Variants in TTC19 observed in about 807,000 individuals in gnomAD.
The protein encoded by TTC19 is tetratricopeptide repeat domain 19, also known as tetratricopeptide repeat protein 19, mitochondrial.
Under a neutral mutation model 49.5 loss-of-function variants are expected in TTC19, and 38 were observed. That is an observed-to-expected ratio of 0.77 (90% CI 0.59 to 1.01). TTC19 has a LOEUF of 1.01. Among genes scored for constraint, TTC19 ranks in the 50% least tolerant of loss-of-function variants. The pLI is 0.00. For synonymous variants in TTC19, 204 were observed against 185.2 expected (o/e 1.10, Z -0.83); for missense variants, 475 against 477.7 (o/e 0.99, Z 0.05).
downstream of TTC19, chr17:16,030,930 G>A (rs578117979): frequency 5.1e-6 from 1 of 195,070 alleles, no homozygotes; most frequent in Admixed American, 6.1e-5. Flanking sequence ...TTATCATCCT[G>A]AGAGATCTGT....
At chr17:16,001,857 C>T in intron 2 of TTC19, 58 bp from the exon 3 acceptor site, 1 of 1,180,306 alleles carries the variant, frequency 8.5e-7, no homozygotes, top group Non-Finnish European at 1.3e-6. Context: ...ACTTCTGTCT[C>T]TTAGCATATG....
rs1970754752 is a variant in TTC19, at chr17:16,002,086, T to G, written c.423+61T>G. ...AAGGTTGGATGGGAGGGAAGGGTAG[T>G]TAGTTCTTCTGATTTATATTCCTGA... On this transcript the variant is annotated intron_variant, in intron 3 of 9. Coordinates refer to ENST00000261647, the MANE Select transcript of TTC19 (RefSeq NM_017775.4). 4.6e-6 allele frequency: 5 copies of G among 1,086,258 alleles called. No homozygotes were observed. In the East Asian group the frequency reaches 9.4e-5, roughly 20 times the overall value. 67.3% of individuals were successfully genotyped at this position (1,086,258 alleles called of 1,614,324 possible). A position where few individuals can be genotyped will look rare whatever the true frequency, so the allele number is the denominator to read the frequency against.
chr17:16,027,996 T>C lies in TTC19; in HGVS notation c.*474T>C, dbSNP rs894650101. On this transcript the variant is annotated 3_prime_UTR_variant, in exon 10 of 10. Coordinates refer to ENST00000261647, the MANE Select transcript of TTC19 (RefSeq NM_017775.4). Reference sequence around the variant, plus strand: ...GGATTATGGTGAATTGTTGTTCTTATAGTCTGTTTCATGAAGCACAAGTGG... The same window carrying C: ...GGATTATGGTGAATTGTTGTTCTTACAGTCTGTTTCATGAAGCACAAGTGG... 3 of 454,094 alleles carry C rather than the reference T, an allele frequency of 6.6e-6. No homozygotes were observed. Among genetic ancestry groups the C allele is most frequent in the Admixed American group, 2.3e-5 (1 of 42,556 alleles). 28.1% of individuals were successfully genotyped at this position (454,094 alleles called of 1,614,324 possible).
At chr17:16,008,918 G>A (rs1209400976) in intron 7 of TTC19, among the ~76,000 whole-genome samples, 1 of 152,132 alleles carries the variant, frequency 6.6e-6, no homozygotes, top group Non-Finnish European at 1.5e-5. Context: ...AAGTAGAGGT[G>A]TGTGTGTTGT....
intron 2 of TTC19, among the ~76,000 whole-genome samples, chr17:16,001,598 C>G (rs1410907458): frequency 6.6e-6 from 1 of 152,186 alleles, no homozygotes; most frequent in African/African-American, 2.4e-5. Context: ...TATATGGTCA[C>G]CTCCAGCCTG....
At chr17:16,012,978 G>T (rs1188845224) in intron 7 of TTC19, among the ~76,000 whole-genome samples, 1 of 152,196 alleles carries the variant, frequency 6.6e-6, no homozygotes, top group Non-Finnish European at 1.5e-5. Flanking sequence ...CAAGGTGGGA[G>T]GATCGCTTGA....
intron 2 of TTC19, chr17:16,039,263 A>G (rs1597641193): frequency 3.2e-6 from 2 of 629,106 alleles, no homozygotes; most frequent in Non-Finnish European, 5.4e-6. Context: ...TTCATATTAT[A>G]ATGTCTGGGT....
At chr17:16,021,326 TG>T (rs1180460966) in intron 7 of TTC19, among the ~76,000 whole-genome samples, 2 of 152,346 alleles carry the variant, frequency 1.3e-5, no homozygotes, top group East Asian at 3.9e-4. Flanking sequence ...AGGCGGAGGT[TG>T]CAGTGAGCTG....
At chr17:16,026,793 G>A in intron 9 of TTC19, 91 bp downstream of exon 9, 2 of 1,331,914 alleles carry the variant, frequency 1.5e-6, no homozygotes, top group Non-Finnish European at 2.2e-6. Flanking sequence ...GGGAGGGCAA[G>A]GGCCAACGAA....
intron 8 of TTC19, among the ~76,000 whole-genome samples, chr17:16,025,501 T>G (rs1971524012): frequency 6.6e-6 from 1 of 152,210 alleles, no homozygotes; most frequent in African/African-American, 2.4e-5. Flanking sequence ...GATACCCCTA[T>G]TAGAAGCTTA....
chr17:16,039,964 G>A (rs866408696), intron 2 of TTC19: 14 of 388,880 alleles, frequency 3.6e-5, no homozygotes, highest in African/African-American at 2.9e-4. Flanking sequence ...CTAATTTTTT[G>A]TATTTTTAGG....
chr17:16,011,700 G>GT (rs1284731886), intron 7 of TTC19, among the ~76,000 whole-genome samples: 3 of 152,204 alleles, frequency 2.0e-5, no homozygotes, highest in African/African-American at 7.2e-5. Context: ...AAAGGACTGT[G>GT]TTAATTTACA....
In TTC19 at chr17:16,028,818, CAAAAAAAAAA is replaced by C. The variant is rs59177775; in HGVS notation, c.*1315_*1324del. 674 of 98,918 alleles carry C rather than the reference CAAAAAAAAAA, an allele frequency of 6.8e-3. 9 individuals are homozygous for C. Among genetic ancestry groups the C allele is most frequent in the African/African-American group, 0.036 (445 of 12,452 alleles). 6.1% of individuals were successfully genotyped at this position (98,918 alleles called of 1,614,324 possible). A position where few individuals can be genotyped will look rare whatever the true frequency, so the allele number is the denominator to read the frequency against. On this transcript the variant is annotated 3_prime_UTR_variant, in exon 10 of 10. Coordinates refer to ENST00000261647, the MANE Select transcript of TTC19 (RefSeq NM_017775.4). Reference sequence around the variant, plus strand: ...GTATCCCAGTAATCTTTGCATTTCTCAAAAAAAAAAAAAAAAAAAAAAAAAAAACTTTCTG... The same window carrying C: ...GTATCCCAGTAATCTTTGCATTTCTCAAAAAAAAAAAAAAAAAACTTTCTG...
chr17:16,030,104 T>C (rs1971797917), downstream of TTC19: 1 of 181,124 alleles, frequency 5.5e-6, no homozygotes, highest in East Asian at 9.0e-5. Context: ...TTGACACATA[T>C]TTTGTATATG....
At chr17:16,024,887 G>A in intron 7 of TTC19, 130 bp from the exon 8 acceptor site, 1 of 838,138 alleles carries the variant, frequency 1.2e-6, no homozygotes, top group Non-Finnish European at 2.1e-6. Context: ...TCTGGAATAG[G>A]TCATTTAACT....
Position 16,027,648 on chromosome 17 carries a change from C to T in TTC19, c.*126C>T. On this transcript the variant is annotated 3_prime_UTR_variant, in exon 10 of 10. Coordinates refer to ENST00000261647, the MANE Select transcript of TTC19 (RefSeq NM_017775.4). Reference sequence around the variant, plus strand: ...TGATATTCAGGTTTCCTCAATTTAGCCTTAGTGAAGGAGGGGTTGTACACA... The same window carrying T: ...TGATATTCAGGTTTCCTCAATTTAGTCTTAGTGAAGGAGGGGTTGTACACA... The T allele has an allele frequency of 8.5e-7, 1 of 1,177,442 alleles. No homozygotes were observed. Among genetic ancestry groups the T allele is most frequent in the Non-Finnish European group, 1.2e-6 (1 of 810,726 alleles). 72.9% of individuals were successfully genotyped at this position (1,177,442 alleles called of 1,614,324 possible).
intron 7 of TTC19, among the ~76,000 whole-genome samples, chr17:16,013,998 A>AT (rs1971146548): frequency 6.6e-6 from 1 of 152,180 alleles, no homozygotes; most frequent in Admixed American, 6.5e-5. Context: ...TGACAGTGTG[A>AT]TTCACTGAAA....
intron 2 of TTC19, among the ~76,000 whole-genome samples, chr17:16,037,443 T>TTTTTTTAAAATACC (rs2056642227): frequency 6.6e-6 from 1 of 152,046 alleles, no homozygotes; most frequent in South Asian, 2.1e-4. Context: ...CGAGGTATGC[T>TTTTTTTAAAATACC]TGCATTTAAA....
intron 7 of TTC19, among the ~76,000 whole-genome samples, chr17:16,013,229 A>G (rs1236810668): frequency 6.6e-6 from 1 of 152,218 alleles, no homozygotes. Context: ...CAAATGAATC[A>G]TAATATGTAT....
Sources: gnomAD v4.1 joint callset for allele counts (sites outside exome capture counted in the v4.1 genomes callset) on GRCh38, gnomAD v4.1.1 for gene constraint, MANE v1.5 for transcripts, NCBI Gene and HGNC (gene_info 2026-07-23, HGNC 2026-07-21) for gene names.